Variants in KLRK1 observed in about 807,000 individuals in gnomAD.
KLRK1 encodes killer cell lectin like receptor K1, also known as NKG2-D type II integral membrane protein.
In KLRK1, 40 loss-of-function variants were observed where a neutral mutation model predicts 31.3. The ratio of observed to expected loss-of-function variants is 1.28; its 90% confidence interval spans 0.99 to 1.67. The LOEUF (loss-of-function observed/expected upper bound fraction) is 1.67, where lower values mean the gene tolerates loss of function less well. Ranked by LOEUF, KLRK1 falls within the 40% of genes most tolerant of loss-of-function variation. The pLI, the probability that KLRK1 is intolerant of heterozygous loss-of-function variation, is 0.00. For synonymous variants in KLRK1, 77 were observed against 77.3 expected (o/e 1.00, Z 0.02); for missense variants, 251 against 260.0 (o/e 0.97, Z 0.24).
At chr12:10,383,854 C>T (rs1863119857) in intron 3 of KLRK1, among the ~76,000 whole-genome samples, 1 of 151,988 alleles carries the variant, frequency 6.6e-6, no homozygotes, top group Non-Finnish European at 1.5e-5. Context: ...TTGGAAACTG[C>T]ACAGATACAT....
chr12:10,375,533 ATATTGT>A (rs1862948641), intron 7 of KLRK1, among the ~76,000 whole-genome samples: 1 of 152,206 alleles, frequency 6.6e-6, no homozygotes, highest in Non-Finnish European at 1.5e-5. Context: ...TTTAACATTG[ATATTGT>A]TGTGACTTTT....
chr12:10,374,397 C>CT (rs35414446), intron 7 of KLRK1, among the ~76,000 whole-genome samples: 2,324 of 131,842 alleles, frequency 0.018, 54 homozygotes, highest in African/African-American at 0.051. Context: ...TCCTCTCTCT[C>CT]TTTTTTTTTT....
intron 2 of KLRK1, among the ~76,000 whole-genome samples, chr12:10,388,145 A>T (rs1399992411): frequency 1.3e-5 from 2 of 152,146 alleles, no homozygotes; most frequent in Non-Finnish European, 2.9e-5. Context: ...TTATAGGTAA[A>T]ATTAGACATT....
At position 10,388,848 on chromosome 12, in the gene KLRK1, T is replaced by G. The variant is rs373914424; in HGVS notation, c.-38A>C. The G allele has an allele frequency of 6.2e-7, 1 of 1,612,616 alleles. No individual in the cohort carries two copies. The highest frequency in any genetic ancestry group is 1.3e-5 in the African/African-American group (1 of 74,894). The stretch of plus-strand genomic sequence containing the variant: ...AGTGCACGTCTACCGCAGAGAGGAA[T>G]CTAAAGTCTTCAATGCACAAAGGAT... On this transcript the variant is annotated 5_prime_UTR_variant, in exon 2 of 8. Coordinates refer to ENST00000240618, the MANE Select transcript of KLRK1 (RefSeq NM_007360.4).
At chr12:10,375,501 G>T (rs1862947981) in intron 7 of KLRK1, among the ~76,000 whole-genome samples, 2 of 152,266 alleles carry the variant, frequency 1.3e-5, no homozygotes, top group Admixed American at 6.5e-5. Flanking sequence ...CTGACAGACA[G>T]GAAGCACCTA....
chr12:10,378,082 A>C, intron 7 of KLRK1, 50 bp downstream of exon 7: 13 of 1,548,076 alleles, frequency 8.4e-6, no homozygotes, highest in Non-Finnish European at 1.1e-5. Context: ...TTACAGGGAA[A>C]ACTTAGGAAA....
At chr12:10,379,854 T>G (rs1309340634) in intron 3 of KLRK1, 62 bp from the exon 4 acceptor site, 12 of 1,437,612 alleles carry the variant, frequency 8.3e-6, no homozygotes, top group Non-Finnish European at 8.4e-6. Context: ...TATCTTTGTA[T>G]TTAATATAAA....
chr12:10,373,613 T>C (rs998673253), intron 7 of KLRK1, among the ~76,000 whole-genome samples: 1 of 152,236 alleles, frequency 6.6e-6, no homozygotes, highest in East Asian at 1.9e-4. Flanking sequence ...TTTCTTCAGA[T>C]ATATGCAATT....
chr12:10,383,006 A>G (rs899763928), intron 3 of KLRK1, among the ~76,000 whole-genome samples: 12 of 152,204 alleles, frequency 7.9e-5, no homozygotes, highest in African/African-American at 2.9e-4. Context: ...AAAACCTATA[A>G]TAGATACACT....
chr12:10,385,342 A>G (rs1170660734), intron 3 of KLRK1, among the ~76,000 whole-genome samples: 3 of 145,252 alleles, frequency 2.1e-5, no homozygotes, highest in Non-Finnish European at 4.5e-5. Context: ...GTGTCCATTA[A>G]CAGATAAATA....
chr12:10,385,985 AT>A (rs5796391), intron 3 of KLRK1, among the ~76,000 whole-genome samples: 116,569 of 146,966 alleles, frequency 0.79, 46,792 homozygotes, highest in Non-Finnish European at 0.88. Flanking sequence ...TATCCTATGA[AT>A]TTTTTTTTTT....
At chr12:10,384,713 A>C (rs1288801181) in intron 3 of KLRK1, among the ~76,000 whole-genome samples, 1 of 152,106 alleles carries the variant, frequency 6.6e-6, no homozygotes, top group African/African-American at 2.4e-5. Flanking sequence ...AAGAATTCAA[A>C]AGTACAGGCA....
intron 2 of KLRK1, among the ~76,000 whole-genome samples, chr12:10,387,360 A>G (rs1565494992): frequency 6.6e-6 from 1 of 152,168 alleles, no homozygotes; most frequent in Non-Finnish European, 1.5e-5. Context: ...ACAGATCCAC[A>G]TATACAAACT....
chr12:10,379,234 AGAG>A (rs566096437), intron 5 of KLRK1: 2,904 of 119,394 alleles, frequency 0.024, 209 homozygotes, highest in African/African-American at 0.088. Flanking sequence ...AAAAAAAAAA[AGAG>A]AGAGAGAGAG....
At chr12:10,386,818 T>C in intron 3 of KLRK1, 85 bp downstream of exon 3, 1 of 945,524 alleles carries the variant, frequency 1.1e-6, no homozygotes, top group Non-Finnish European at 1.5e-6. Flanking sequence ...TAAAGTCAAC[T>C]GAATGATTGC....
rs1862889563 is a variant in KLRK1 at position 10,372,968 on chromosome 12, G to GT, written c.*145dup. 2 of 663,048 alleles carry GT rather than the reference G, an allele frequency of 3.0e-6. No individual in the cohort carries two copies. Among genetic ancestry groups the GT allele is most frequent in the African/African-American group, 3.8e-5 (2 of 52,988 alleles). The allele number at this position is 663,048 out of a possible 1,614,324, so 41.1% of individuals were successfully genotyped here. ...ATGTTTGCAGTGAAATTGTTCTATG[G>GT]TTTGGTCCTGTGGAGTCTAAGAAAT... On this transcript the variant is annotated 3_prime_UTR_variant, in exon 8 of 8. Coordinates refer to ENST00000240618, the MANE Select transcript of KLRK1 (RefSeq NM_007360.4).
intron 1 of KLRK1, among the ~76,000 whole-genome samples, chr12:10,389,146 T>A (rs1478309): frequency 4.6e-5 from 7 of 152,148 alleles, no homozygotes; most frequent in South Asian, 2.1e-4. Flanking sequence ...AATATTTTAC[T>A]TTACTGATAT....
At chr12:10,379,839 T>G in intron 3 of KLRK1, 47 bp from the exon 4 acceptor site, 1 of 1,506,224 alleles carries the variant, frequency 6.6e-7, no homozygotes, top group South Asian at 1.3e-5. Context: ...CATAAAAGGT[T>G]TGGGTATCTT....
At position 10,373,022 on chromosome 12, in the gene KLRK1, TTTTG is replaced by T. The variant is rs1426478165; in HGVS notation, c.*88_*91del. The stretch of plus-strand genomic sequence containing the variant: ...ACAGTCTTTGGTCATTTTGTCCTGT[TTTTG>T]TTTGTTTCCTTTAGTCTCAGTTGGC... On this transcript the variant is annotated 3_prime_UTR_variant, in exon 8 of 8. Transcript: ENST00000240618. The T allele has an allele frequency of 2.6e-6, 3 of 1,143,950 alleles. No individual in the cohort carries two copies. The highest frequency in any genetic ancestry group is 1.6e-5 in the African/African-American group (1 of 64,342). The allele number at this position is 1,143,950 out of a possible 1,614,324, so 70.9% of individuals were successfully genotyped here. A position where few individuals can be genotyped will look rare whatever the true frequency, so the allele number is the denominator to read the frequency against.
Sources: allele counts gnomAD v4.1 joint callset (sites outside exome capture counted in the v4.1 genomes callset), GRCh38; gene constraint gnomAD v4.1.1; transcripts MANE v1.5; gene names NCBI Gene and HGNC (gene_info 2026-07-23, HGNC 2026-07-21).